TULP1: variants seen among roughly 807,000 people sequenced by gnomAD.
The protein encoded by TULP1 is TUB like protein 1.
A neutral mutation model predicts 67.1 loss-of-function variants in TULP1; 50 were observed. The observed-to-expected ratio is 0.75, with a 90% CI of 0.59 to 0.94. The LOEUF is 0.94. Ranked by LOEUF, TULP1 falls within the 40% of genes least tolerant of loss-of-function variation. The pLI is 0.00. For missense variants in TULP1, 746 were observed against 734.1 expected (o/e 1.02, Z -0.19); for synonymous variants, 297 against 294.0 (o/e 1.01, Z -0.11).
At chr6:35,505,469 C>T in intron 11 of TULP1, 1 of 840,214 alleles carries the variant, frequency 1.2e-6, no homozygotes, top group Non-Finnish European at 1.8e-6. Context: ...AACTTATGCC[C>T]TGCTCCAAGT....
chr6:35,506,111 C>T lies in TULP1; in HGVS notation c.891G>A (p.Arg297=). The T allele has an allele frequency of 1.2e-6, 2 of 1,613,648 alleles. No individual in the cohort carries two copies. Among genetic ancestry groups the T allele is most frequent in the South Asian group, 1.1e-5 (1 of 91,072 alleles). The change falls in exon 10 of 15, where the codon CGG becomes CGA. Residue 297 remains arginine (R), a synonymous_variant. Transcript: ENST00000229771. ...GCACCGTGCGGCCCTGGGGGGCAGGCCGGAGCACAAACTCCCGGGGTTCGT... is the reference window on the plus strand; with the variant it reads ...GCACCGTGCGGCCCTGGGGGGCAGGTCGGAGCACAAACTCCCGGGGTTCGT... ...EVDEPREFVL[R]PAPQGRTVRC... is the part of the protein sequence containing the mutation.
intron 8 of TULP1, among the ~76,000 whole-genome samples, chr6:35,506,989 T>C (rs573210671): frequency 1.3e-5 from 2 of 152,290 alleles, no homozygotes; most frequent in East Asian, 1.9e-4. Context: ...TATCATAAGA[T>C]GGCACCCAGT....
At chr6:35,501,694 C>T (rs909630123) in intron 13 of TULP1, among the ~76,000 whole-genome samples, 1 of 152,078 alleles carries the variant, frequency 6.6e-6, no homozygotes, top group South Asian at 2.1e-4. Flanking sequence ...CACCTGTAAT[C>T]CCAGCTACTC....
intron 3 of TULP1, 184 bp from the exon 4 acceptor site, chr6:35,511,990 A>C (rs1339501999): frequency 1.8e-4 from 115 of 622,324 alleles, no homozygotes; most frequent in South Asian, 6.1e-4. Flanking sequence ...ACCCCCTTCT[A>C]CCCCAACGCC....
Position 35,497,984 on chromosome 6 carries a change from G to T in TULP1, c.*343C>A. 2.3e-6 allele frequency: 1 copy of T among 425,688 alleles called. No individual in the cohort carries two copies. The highest frequency in any genetic ancestry group is 4.4e-6 in the Non-Finnish European group (1 of 229,246). 26.4% of individuals were successfully genotyped at this position (425,688 alleles called of 1,614,324 possible). A position where few individuals can be genotyped will look rare whatever the true frequency, so the allele number is the denominator to read the frequency against. Reference sequence around the variant, plus strand: ...CTCCTCGGAGCCCTAGCGCGGTCCCGGGGAGAGGGGAGGTTAAAACAACAA... The same window carrying T: ...CTCCTCGGAGCCCTAGCGCGGTCCCTGGGAGAGGGGAGGTTAAAACAACAA... On this transcript the variant is annotated 3_prime_UTR_variant, in exon 15 of 15. Coordinates refer to ENST00000229771, the MANE Select transcript of TULP1 (RefSeq NM_003322.6).
intron 3 of TULP1, 72 bp from the exon 4 acceptor site, chr6:35,511,878 C>G: frequency 6.9e-7 from 1 of 1,450,706 alleles, no homozygotes; most frequent in Non-Finnish European, 9.1e-7. Context: ...ACCCGCTACC[C>G]CCAAGCCTGG....
At chr6:35,512,131 T>G in intron 3 of TULP1, 49 bp downstream of exon 3, 4 of 1,165,108 alleles carry the variant, frequency 3.4e-6, no homozygotes, top group Non-Finnish European at 4.4e-6. Context: ...GCCCCTCCCT[T>G]CCGCAGCCCA....
Position 35,509,215 on chromosome 6 carries a change from G to A in TULP1, c.816C>T (p.Gly272=). Residue 272 remains glycine (G), a synonymous_variant, in exon 8 of 15, where the codon GGC becomes GGT. Coordinates refer to ENST00000229771, the MANE Select transcript of TULP1 (RefSeq NM_003322.6). ...TGCCCCTCTGGGCCCCAACCTTTTT[G>A]CCTTTTCCTTTGGCTTTGCCCTTTT... ...SNQKGKAKGK[G]KKKAKEERAP... 1 of 1,613,778 alleles carries A rather than the reference G, an allele frequency of 6.2e-7. No homozygotes were observed.
chr6:35,509,879 A>G lies in TULP1; in HGVS notation c.549T>C (p.Asn183=). ...TCCCCTCCCCTGCTGGAGCTTCCTT[A>G]TTCCTAACACGCAGAGGTTTCGGTG... ...DPPPKPLRVR[N]KEAPAGEGTK... The change falls in exon 6 of 15, where the codon AAT becomes AAC. Residue 183 remains asparagine, a synonymous_variant. Transcript: ENST00000229771. 6.2e-7 allele frequency: 1 copy of G among 1,613,588 alleles called. No homozygotes were observed. Among genetic ancestry groups the G allele is most frequent in the Non-Finnish European group, 8.5e-7 (1 of 1,179,934 alleles).
rs1170050605 is a variant in TULP1, at chr6:35,504,759, G to A, written c.1113-911C>T. Among the ~76,000 whole-genome samples the A allele has an allele frequency of 4.0e-5, 6 of 151,548 alleles. No homozygotes were observed. In the East Asian group the frequency reaches 9.7e-4, roughly 24 times the overall value. On this transcript the variant is annotated intron_variant, in intron 11 of 14. Coordinates refer to ENST00000229771, the MANE Select transcript of TULP1 (RefSeq NM_003322.6). ...TTTTTTGTATTTTTAGTAGAGACGG[G>A]GTTTCGCTGTGTTAGCCAGGGTGGT...
chr6:35,505,912 T>G, intron 10 of TULP1, 59 bp from the exon 11 acceptor site: 1 of 1,613,748 alleles, frequency 6.2e-7, no homozygotes, highest in Non-Finnish European at 8.5e-7. Context: ...GGGGTGGAGG[T>G]GAGCTGCAGG....
At chr6:35,511,599 TC>T (rs950652842) in intron 4 of TULP1, 48 bp downstream of exon 4, 2 of 1,569,802 alleles carry the variant, frequency 1.3e-6, no homozygotes, top group African/African-American at 2.7e-5. Context: ...GCCCCTTCTC[TC>T]CTTAGCTCCA....
intron 4 of TULP1, 60 bp from the exon 5 acceptor site, chr6:35,511,070 C>T (rs1194806567): frequency 1.9e-6 from 3 of 1,596,298 alleles, no homozygotes; most frequent in Non-Finnish European, 2.5e-6. Context: ...TCTGGGGAGC[C>T]CAGTTCCTCC....
chr6:35,505,613 C>G (rs1413599373), intron 11 of TULP1, 128 bp downstream of exon 11: 7 of 1,545,290 alleles, frequency 4.5e-6, no homozygotes, highest in Non-Finnish European at 6.1e-6. Flanking sequence ...GCGAGAGGCC[C>G]TAGGCTAGGG....
In TULP1 at chr6:35,509,189, CT is replaced by C; in HGVS notation, c.822+19del. On this transcript the variant is annotated intron_variant, in intron 8 of 14. Transcript: ENST00000229771. ...TGCTCCCTGAAGGGACCTCAGCCCC[CT>C]GCCCCTCTGGGCCCCAACCTTTTTG... The C allele has an allele frequency of 6.2e-7, 1 of 1,609,774 alleles. No individual in the cohort carries two copies. Among genetic ancestry groups the C allele is most frequent in the Non-Finnish European group, 8.5e-7 (1 of 1,176,264 alleles).
chr6:35,506,143 C>T lies in TULP1; in HGVS notation c.859G>A (p.Glu287Lys), dbSNP rs770681790. Residue 287 changes from glutamate to lysine, a missense_variant, in exon 10 of 15, where the codon GAG becomes AAG. By Grantham distance (56) the Glu-to-Lys change is moderately conservative. Around this residue, in one of 3 missense-constraint regions of TULP1, gnomAD observed 383 missense variants for 374.1 expected, o/e 1.02. Coordinates refer to ENST00000229771, the MANE Select transcript of TULP1 (RefSeq NM_003322.6). ...KEERAPSPPV[E>K]VDEPREFVLR... The stretch of plus-strand genomic sequence containing the variant: ...ACAAACTCCCGGGGTTCGTCCACCT[C>T]CACGGGGGGAGACGGGGCCCTCTCC... 8.7e-6 allele frequency: 14 copies of T among 1,613,548 alleles called. No homozygotes were observed. The African/African-American group carries it at 1.7e-4, about 20-fold the overall frequency.
chr6:35,509,697 T>C lies in TULP1; in HGVS notation c.655A>G (p.Ser219Gly). The change falls in exon 7 of 15, where the codon AGC becomes GGC. Residue 219 changes from serine to glycine, a missense_variant. By Grantham distance (56) the Ser-to-Gly change is moderately conservative. Around this residue, in one of 3 missense-constraint regions of TULP1, gnomAD observed 359 missense variants for 341.9 expected, o/e 1.05. Transcript: ENST00000229771. ...CCAACCAGAAACATGGCTGCTGGGC[T>C]CTTCCTCGCACTGGCTGGGCTCCCT... ...PSGSPASARK[S>G]PAAMFLVGEG... The C allele has an allele frequency of 6.2e-7, 1 of 1,614,032 alleles. No individual in the cohort carries two copies. Among genetic ancestry groups the C allele is most frequent in the Non-Finnish European group, 8.5e-7 (1 of 1,180,006 alleles).
At position 35,503,146 on chromosome 6, in the gene TULP1, G is replaced by C. The variant is rs1211639243; in HGVS notation, c.1323+413C>G. Among the ~76,000 whole-genome samples the C allele has an allele frequency of 6.6e-6, 1 of 151,916 alleles. No homozygotes were observed. The highest frequency in any genetic ancestry group is 1.5e-5 in the Non-Finnish European group (1 of 67,998). On this transcript the variant is annotated intron_variant, in intron 13 of 14. Coordinates refer to ENST00000229771, the MANE Select transcript of TULP1 (RefSeq NM_003322.6). This position sits in a 1 kb window ranked among gnomAD's most constrained non-coding sequence, Gnocchi z 4.0. ...GTAGAGACGGGGTTTCACCATGTTAGCCAGGATAGTCTCGATCTCCTGACC... is the reference window on the plus strand; with the variant it reads ...GTAGAGACGGGGTTTCACCATGTTACCCAGGATAGTCTCGATCTCCTGACC...
intron 7 of TULP1, 65 bp from the exon 8 acceptor site, chr6:35,509,377 C>T (rs1761150865): frequency 7.0e-7 from 1 of 1,430,454 alleles, no homozygotes; most frequent in Non-Finnish European, 9.9e-7. Context: ...GCTTCCAACA[C>T]CCATGTCTCA....
Sources: allele counts gnomAD v4.1 joint callset (sites outside exome capture counted in the v4.1 genomes callset), GRCh38; gene constraint gnomAD v4.1.1; regional missense constraint gnomAD v4.1.1; non-coding constraint Gnocchi (gnomAD v3.1); transcripts MANE v1.5; gene names NCBI Gene and HGNC (gene_info 2026-07-23, HGNC 2026-07-21).